PALM2AKAP2: variants seen among roughly 807,000 people sequenced by gnomAD.
PALM2AKAP2 encodes PALM2-AKAP2 fusion protein.
Under a neutral mutation model 71.5 loss-of-function variants are expected in PALM2AKAP2, and 37 were observed. That is an observed-to-expected ratio of 0.52 (90% confidence interval 0.40 to 0.68). The LOEUF (loss-of-function observed/expected upper bound fraction) is 0.68, where lower values mean the gene tolerates loss of function less well. PALM2AKAP2 is among the 30% of genes least tolerant of loss of function. The pLI, the probability that PALM2AKAP2 is intolerant of heterozygous loss-of-function variation, is 0.00. For synonymous variants in PALM2AKAP2, 468 were observed against 478.8 expected, an observed-to-expected ratio of 0.98 and a Z score of 0.29; for missense variants, 1,224 against 1,191.8, an observed-to-expected ratio of 1.03 and a Z score of -0.40.
At chr9:109,730,910 A>G (rs1828547832) in intron 1 of PALM2AKAP2, among the ~76,000 whole-genome samples, 1 of 151,986 alleles carries the variant, frequency 6.6e-6, no homozygotes, top group African/African-American at 2.4e-5. Flanking sequence ...CAGTGGAAAA[A>G]AAAAAAGGAT....
chr9:110,013,359 G>A (rs932969476), intron 6 of PALM2AKAP2, among the ~76,000 whole-genome samples: 2 of 152,202 alleles, frequency 1.3e-5, no homozygotes, highest in Non-Finnish European at 2.9e-5. Flanking sequence ...CATAAGTGAA[G>A]TATCATCTGA....
intron 1 of PALM2AKAP2, among the ~76,000 whole-genome samples, chr9:110,109,356 T>TAAAA (rs35816224): frequency 8.0e-6 from 1 of 125,252 alleles, no homozygotes; most frequent in Non-Finnish European, 1.7e-5. Context: ...AAGAAACATT[T>TAAAA]AAAAAAAAAA....
At chr9:110,058,229 G>A (rs1412162589) in intron 1 of PALM2AKAP2, among the ~76,000 whole-genome samples, 2 of 152,164 alleles carry the variant, frequency 1.3e-5, no homozygotes, top group Non-Finnish European at 2.9e-5. Context: ...ATTGCAGTGT[G>A]CTATGCAAAT....
At chr9:109,759,589 A>C (rs547940727) in intron 1 of PALM2AKAP2, among the ~76,000 whole-genome samples, 1 of 152,114 alleles carries the variant, frequency 6.6e-6, no homozygotes, top group Non-Finnish European at 1.5e-5. Flanking sequence ...AACAAACAAC[A>C]ACAACAACAG....
chr9:109,891,365 G>C (rs1830084085), intron 3 of PALM2AKAP2, among the ~76,000 whole-genome samples: 1 of 152,154 alleles, frequency 6.6e-6, no homozygotes, highest in Non-Finnish European at 1.5e-5. Flanking sequence ...CCTCCTTCTT[G>C]TTGGTCATTA....
intron 3 of PALM2AKAP2, among the ~76,000 whole-genome samples, chr9:109,922,855 G>T (rs979136614): frequency 6.6e-6 from 1 of 152,294 alleles, no homozygotes; most frequent in South Asian, 2.1e-4. Flanking sequence ...TGGCACTAAA[G>T]CCTGCTTTAC....
At chr9:109,904,449 A>T (rs769729203) in intron 3 of PALM2AKAP2, among the ~76,000 whole-genome samples, 10 of 152,210 alleles carry the variant, frequency 6.6e-5, no homozygotes, top group Non-Finnish European at 1.0e-4. Flanking sequence ...GAGGCTTGTG[A>T]TCATTCATTC....
At chr9:109,942,265 G>A (rs143667042) in intron 6 of PALM2AKAP2, among the ~76,000 whole-genome samples, 29 of 152,264 alleles carry the variant, frequency 1.9e-4, no homozygotes, top group Non-Finnish European at 3.1e-4. Context: ...TGATGAAAGA[G>A]GTTTTTTCAT....
At chr9:109,849,002 G>A (rs1639168018) in intron 1 of PALM2AKAP2, among the ~76,000 whole-genome samples, 1 of 152,076 alleles carries the variant, frequency 6.6e-6, no homozygotes, top group South Asian at 2.1e-4. Context: ...GGACAAGTTT[G>A]CCAGCTCCTG....
chr9:109,708,403 TA>T (rs1828175869), intron 1 of PALM2AKAP2, among the ~76,000 whole-genome samples: 1 of 152,210 alleles, frequency 6.6e-6, no homozygotes. Context: ...ATTTTCATCA[TA>T]AACCCCAAAT....
At chr9:110,150,479 ATC>A (rs373544506) in intron 2 of PALM2AKAP2, among the ~76,000 whole-genome samples, 14 of 150,198 alleles carry the variant, frequency 9.3e-5, no homozygotes, top group African/African-American at 2.2e-4. Context: ...GCATCTTCAG[ATC>A]TCTCTCTCTC....
At position 109,951,116 on chromosome 9, in the gene PALM2AKAP2, G is replaced by A. The variant is rs879068711; in HGVS notation, c.496+19088G>A. Among the ~76,000 whole-genome samples, 5 of 152,238 alleles carry A rather than the reference G, an allele frequency of 3.3e-5. No individual in the cohort carries two copies. The South Asian group carries it at 6.2e-4, about 19-fold the overall frequency. Reference sequence around the variant, plus strand: ...TTAGGAGAGTCAAAATCATACAGGGGTTCCAGAAAATGTTGTGTCTGATGC... The same window carrying A: ...TTAGGAGAGTCAAAATCATACAGGGATTCCAGAAAATGTTGTGTCTGATGC... On this transcript the variant is annotated intron_variant, in intron 6 of 9. Transcript: ENST00000302798.
intron 1 of PALM2AKAP2, among the ~76,000 whole-genome samples, chr9:109,799,105 G>A (rs568514149): frequency 6.6e-6 from 1 of 152,378 alleles, no homozygotes; most frequent in Admixed American, 6.5e-5. Flanking sequence ...GGTCTGGTGA[G>A]GGTGGCCAAG....
At chr9:109,897,741 A>G (rs534585771) in intron 3 of PALM2AKAP2, among the ~76,000 whole-genome samples, 1 of 152,254 alleles carries the variant, frequency 6.6e-6, no homozygotes, top group African/African-American at 2.4e-5. Context: ...TTATGCTCCG[A>G]ATCATATTCA....
At chr9:110,022,289 G>A (rs916561092) in intron 7 of PALM2AKAP2, among the ~76,000 whole-genome samples, 1 of 152,048 alleles carries the variant, frequency 6.6e-6, no homozygotes, top group Non-Finnish European at 1.5e-5. Flanking sequence ...TTGAGCCCAG[G>A]ATTTCAACCC....
intron 1 of PALM2AKAP2, among the ~76,000 whole-genome samples, chr9:109,785,427 G>A (rs1232583715): frequency 2.0e-5 from 3 of 152,186 alleles, no homozygotes; most frequent in Admixed American, 1.3e-4. Flanking sequence ...AAGAGTTGTA[G>A]TAAATCCCAG....
intron 6 of PALM2AKAP2, among the ~76,000 whole-genome samples, chr9:109,986,155 GT>G (rs1399165989): frequency 3.9e-5 from 6 of 152,232 alleles, no homozygotes; most frequent in African/African-American, 1.4e-4. Flanking sequence ...TTGGTATAGT[GT>G]GTTCCTTGAG....
At chr9:109,902,408 G>T (rs1169831208) in intron 3 of PALM2AKAP2, among the ~76,000 whole-genome samples, 1 of 152,208 alleles carries the variant, frequency 6.6e-6, no homozygotes. Flanking sequence ...GCATGGGAGG[G>T]ATATAATCAG....
chr9:109,912,509 A>G (rs1220142337), intron 3 of PALM2AKAP2, among the ~76,000 whole-genome samples: 1 of 152,242 alleles, frequency 6.6e-6, no homozygotes, highest in African/African-American at 2.4e-5. Flanking sequence ...TTTCCTTACA[A>G]ATTGAGTCAC....
Sources: gnomAD v4.1 joint callset for allele counts (sites outside exome capture counted in the v4.1 genomes callset) on GRCh38, gnomAD v4.1.1 for gene constraint, MANE v1.5 for transcripts, NCBI Gene and HGNC (gene_info 2026-07-23, HGNC 2026-07-21) for gene names.